PSKH2: variants seen among roughly 807,000 people sequenced by gnomAD.
The protein encoded by PSKH2 is protein serine kinase H2.
In PSKH2, 16 loss-of-function variants were observed where a neutral mutation model predicts 22.5. The observed-to-expected ratio is 0.71, with a 90% CI of 0.48 to 1.08. The LOEUF (loss-of-function observed/expected upper bound fraction) is 1.08. Ranked by LOEUF, PSKH2 falls within the 50% of genes least tolerant of loss-of-function variation. The pLI is 0.00. For missense variants in PSKH2, 516 were observed against 492.8 expected, an observed-to-expected ratio of 1.05 and a Z score of -0.44; for synonymous variants, 188 against 184.8, an observed-to-expected ratio of 1.02 and a Z score of -0.14.
chr8:86,055,729 C>G (rs1817690171), intron 2 of PSKH2, among the ~76,000 whole-genome samples: 1 of 151,756 alleles, frequency 6.6e-6, no homozygotes. Context: ...TTCCTTTTTT[C>G]CTACTTAATA....
chr8:86,062,598 C>T (rs1194555646), intron 2 of PSKH2, among the ~76,000 whole-genome samples: 5 of 151,264 alleles, frequency 3.3e-5, no homozygotes, highest in African/African-American at 4.8e-5. Flanking sequence ...GGGCTCTTTC[C>T]GCCTCTCTTT....
chr8:86,068,098 C>A (rs1258585209), intron 1 of PSKH2, among the ~76,000 whole-genome samples: 1 of 152,148 alleles, frequency 6.6e-6, no homozygotes, highest in South Asian at 2.1e-4. Flanking sequence ...TTGACAAGAC[C>A]CTGTACCTAC....
chr8:86,048,349 G>C lies in PSKH2; in HGVS notation c.*113C>G. On this transcript the variant is annotated 3_prime_UTR_variant, in exon 3 of 3. Coordinates refer to ENST00000276616, the MANE Select transcript of PSKH2 (RefSeq NM_033126.3). ...AGAACAAGAAAATGTTAAAAGTCAA[G>C]ATCAATAGTATCCAACAATACCATG... The C allele has an allele frequency of 1.3e-6, 1 of 784,428 alleles. No homozygotes were observed. The highest frequency in any genetic ancestry group is 2.0e-6 in the Non-Finnish European group (1 of 494,350). 48.6% of individuals were successfully genotyped at this position (784,428 alleles called of 1,614,324 possible).
intron 1 of PSKH2, among the ~76,000 whole-genome samples, chr8:86,067,113 A>G (rs1586067358): frequency 6.6e-6 from 1 of 152,328 alleles, no homozygotes; most frequent in East Asian, 1.9e-4. Context: ...CTCAAATAAA[A>G]GAAGCTTTAT....
At chr8:86,062,589 G>A (rs573037466) in intron 2 of PSKH2, among the ~76,000 whole-genome samples, 2 of 151,820 alleles carry the variant, frequency 1.3e-5, no homozygotes, top group African/African-American at 4.8e-5. Flanking sequence ...TTTTATAAAG[G>A]GCTCTTTCCG....
intron 2 of PSKH2, among the ~76,000 whole-genome samples, chr8:86,049,691 AAAGAAAG>A (rs1817586788): frequency 6.6e-5 from 1 of 15,230 alleles, no homozygotes; most frequent in Non-Finnish European, 1.4e-4. Flanking sequence ...AGAAAGAAAG[AAAGAAAG>A]AAAGAAAGAA....
chr8:86,061,101 G>A (rs1379283156), intron 2 of PSKH2, among the ~76,000 whole-genome samples: 1 of 152,102 alleles, frequency 6.6e-6, no homozygotes, highest in African/African-American at 2.4e-5. Flanking sequence ...TGAAAACCCT[G>A]CCCATTAGCC....
At chr8:86,055,471 C>A (rs1817688129) in intron 2 of PSKH2, among the ~76,000 whole-genome samples, 1 of 152,138 alleles carries the variant, frequency 6.6e-6, no homozygotes, top group African/African-American at 2.4e-5. Flanking sequence ...TGAAGTTACT[C>A]TTGTAAGATT....
At chr8:86,069,084 A>G (rs1241340901) in intron 1 of PSKH2, among the ~76,000 whole-genome samples, 1 of 152,138 alleles carries the variant, frequency 6.6e-6, no homozygotes, top group Non-Finnish European at 1.5e-5. Context: ...GGGGTGAGCC[A>G]GTGGAAAAGA....
intron 2 of PSKH2, among the ~76,000 whole-genome samples, chr8:86,063,709 C>T (rs1048456353): frequency 6.6e-6 from 1 of 152,188 alleles, no homozygotes; most frequent in Non-Finnish European, 1.5e-5. Context: ...CCCTTGCTAT[C>T]TTGAGTCAAA....
chr8:86,061,423 C>T (rs1451815075), intron 2 of PSKH2, among the ~76,000 whole-genome samples: 1 of 151,974 alleles, frequency 6.6e-6, no homozygotes, highest in Non-Finnish European at 1.5e-5. Flanking sequence ...ATGGACCGCA[C>T]CCCCATATCA....
Position 86,048,746 on chromosome 8 carries a change from A to C in PSKH2, c.874T>G (p.Leu292Val). 2 of 1,609,928 alleles carry C rather than the reference A, an allele frequency of 1.2e-6. No homozygotes were observed. Among genetic ancestry groups the C allele is most frequent in the Non-Finnish European group, 1.7e-6 (2 of 1,176,970 alleles). The change falls in exon 3 of 3, where the codon TTG (leucine) becomes GTG (valine). Residue 292 changes from leucine (L) to valine (V), a missense_variant. Leu to Val is a conservative substitution (Grantham distance 32). Coordinates refer to ENST00000276616, the MANE Select transcript of PSKH2 (RefSeq NM_033126.3). ...AGTTTGTCTATAAAGTCCTTCGCCAAGTGGGAAATGCTTGGCCAAGGCTGA... is the reference window on the plus strand; with the variant it reads ...AGTTTGTCTATAAAGTCCTTCGCCACGTGGGAAATGCTTGGCCAAGGCTGA... ...TGEPWPSISH[L>V]AKDFIDKLLI...
At chr8:86,067,197 T>C (rs920134678) in intron 1 of PSKH2, among the ~76,000 whole-genome samples, 11 of 152,060 alleles carry the variant, frequency 7.2e-5, no homozygotes, top group African/African-American at 2.7e-4. Context: ...GAGGAAACAG[T>C]ACACTTGAAG....
At chr8:86,060,382 TTACTC>T (rs1817759584) in intron 2 of PSKH2, among the ~76,000 whole-genome samples, 4 of 152,210 alleles carry the variant, frequency 2.6e-5, no homozygotes, top group Admixed American at 2.6e-4. Context: ...AAAATTCCCT[TTACTC>T]TACAGTGGTC....
Position 86,053,020 on chromosome 8 carries a change from C to A in PSKH2, c.853-4253G>T, listed in dbSNP as rs75829477. On this transcript the variant is annotated intron_variant, in intron 2 of 2. Transcript: ENST00000276616. ...TAGCTTTAAATGATTCAAAGGAATT[C>A]GGAGGGATGGTATCTTACATGCTGT... Among the ~76,000 whole-genome samples the A allele has an allele frequency of 6.9e-3, 1,058 of 152,266 alleles. 4 individuals are homozygous for A. Among genetic ancestry groups the A allele is most frequent in the Middle Eastern group, 0.017 (5 of 294 alleles).
At chr8:86,059,294 A>G (rs971431681) in intron 2 of PSKH2, among the ~76,000 whole-genome samples, 1 of 152,154 alleles carries the variant, frequency 6.6e-6, no homozygotes, top group Non-Finnish European at 1.5e-5. Flanking sequence ...GATTTATACA[A>G]TGTGTCATAT....
At position 86,061,164 on chromosome 8, in the gene PSKH2, C is replaced by T. The variant is rs137958619; in HGVS notation, c.852+2801G>A. ...TCTCCCCTGCTGAATAAGGCCTACC[C>T]TCTGTGGCCTTGGCCTCTTTGCCTC... On this transcript the variant is annotated intron_variant, in intron 2 of 2. Transcript: ENST00000276616. Among the ~76,000 whole-genome samples, 423 of 152,222 alleles carry T rather than the reference C, an allele frequency of 2.8e-3. 1 individual carries two copies. Among genetic ancestry groups the T allele is most frequent in the Admixed American group, 4.4e-3 (68 of 15,298 alleles).
intron 2 of PSKH2, among the ~76,000 whole-genome samples, chr8:86,048,969 GA>G (rs2130136556): frequency 6.6e-6 from 1 of 152,234 alleles, no homozygotes; most frequent in East Asian, 1.9e-4. Flanking sequence ...AACTTTCACA[GA>G]AGAAAAAGAC....
rs1248767558 is a variant in PSKH2 at position 86,048,520 on chromosome 8, T to C, written c.1100A>G (p.His367Arg). The C allele has an allele frequency of 3.1e-6, 5 of 1,614,164 alleles. No individual in the cohort carries two copies. Reference protein sequence around the residue: ...SKSHYSHKSRHMWSKRNLRIV... With the variant: ...SKSHYSHKSRRMWSKRNLRIV... ...CCTTAAGTTTCTCTTGCTCCACATA[T>C]GCCTGGATTTGTGAGAATAATGTGA... is the stretch of plus-strand genomic sequence containing the variant. Residue 367 changes from histidine (H) to arginine (R), a missense_variant, in exon 3 of 3, where the codon CAT becomes CGT. By Grantham distance (29) the His-to-Arg change is conservative. Transcript: ENST00000276616.
Sources: allele counts gnomAD v4.1 joint callset (sites outside exome capture counted in the v4.1 genomes callset), GRCh38; gene constraint gnomAD v4.1.1; transcripts MANE v1.5; gene names NCBI Gene and HGNC (gene_info 2026-07-23, HGNC 2026-07-21).